Variants in STMN3 observed in about 807,000 individuals in gnomAD.
STMN3 encodes stathmin 3.
In STMN3, 24 loss-of-function variants were observed where a neutral mutation model predicts 23.2. The ratio of observed to expected loss-of-function variants is 1.03; its 90% CI spans 0.75 to 1.45. The LOEUF (loss-of-function observed/expected upper bound fraction) is 1.45, where lower values mean the gene tolerates loss of function less well. Ranked by LOEUF, STMN3 falls within the 40% of genes most tolerant of loss-of-function variation. The probability of loss-of-function intolerance (pLI) is 0.00; values close to 1 mark genes in which losing one functional copy is unlikely to be tolerated. For synonymous variants in STMN3, 117 were observed against 103.4 expected (o/e 1.13, Z -0.80); for missense variants, 235 against 237.6 (o/e 0.99, Z 0.07).
rs1189102889 is a variant in STMN3 at position 63,640,036 on chromosome 20, G to A, written c.*1302C>T. ...GTGGTCCCTGGGTGTGACTCTGGAA[G>A]ACACTGGCAGTGCCCGGCCAAGGCC... On this transcript the variant is annotated 3_prime_UTR_variant, in exon 5 of 5. Transcript: ENST00000370053. 6.5e-6 allele frequency: 1 copy of A among 152,964 alleles called. No individual in the cohort carries two copies. The highest frequency in any genetic ancestry group is 2.1e-4 in the South Asian group (1 of 4,834). The allele number at this position is 152,964 out of a possible 1,614,324, so 9.5% of individuals were successfully genotyped here.
intron 4 of STMN3, 128 bp from the exon 5 acceptor site, chr20:63,641,525 C>A (rs1167395595): frequency 8.6e-6 from 6 of 701,512 alleles, no homozygotes; most frequent in Admixed American, 2.6e-5. Flanking sequence ...TTCGGCAGGA[C>A]CCTGACTGAG....
chr20:63,642,147 C>G lies in STMN3; in HGVS notation c.444G>C (p.Glu148Asp). Residue 148 changes from glutamate (E) to aspartate (D), a missense_variant, in exon 4 of 5, where the codon GAG (glutamate) becomes GAC (aspartate). Glu to Asp is a conservative substitution (Grantham distance 45). Transcript: ENST00000370053. Reference protein sequence around the residue: ...YKMELSKEIREAHLAALRERL... With the variant: ...YKMELSKEIRDAHLAALRERL... ...GCTCGCGCAGTGCGGCCAGGTGTGC[C>G]TCGCGGATCTCCTTGCTGAGCTCCA... is the stretch of plus-strand genomic sequence containing the variant. 6.5e-7 allele frequency: 1 copy of G among 1,549,800 alleles called. No individual in the cohort carries two copies. Among genetic ancestry groups the G allele is most frequent in the East Asian group, 2.7e-5 (1 of 36,980 alleles).
In STMN3 at chr20:63,647,936, A is replaced by ATGTGTGTG. The variant is rs1555897526; in HGVS notation, c.20-3635_20-3628dup. On this transcript the variant is annotated intron_variant, in intron 1 of 4. Coordinates refer to ENST00000370053, the MANE Select transcript of STMN3 (RefSeq NM_015894.4). ...TATATATTAATATATATACGTATATATGTGTGTGTGTGTATATATATATGT... is the reference window on the plus strand; with the variant it reads ...TATATATTAATATATATACGTATATATGTGTGTGTGTGTGTGTGTGTATATATATATGT... Among the ~76,000 whole-genome samples the ATGTGTGTG allele has an allele frequency of 1.7e-3, 134 of 80,834 alleles. 3 individuals carry two copies. Among genetic ancestry groups the ATGTGTGTG allele is most frequent in the Middle Eastern group, 9.6e-3 (1 of 104 alleles). 53.0% of individuals were successfully genotyped at this position (80,834 alleles called of 152,430 possible). A position where few individuals can be genotyped will look rare whatever the true frequency, so the allele number is the denominator to read the frequency against.
At chr20:63,643,708 C>T in intron 3 of STMN3, 48 bp downstream of exon 3, 2 of 1,483,278 alleles carry the variant, frequency 1.3e-6, no homozygotes, top group Admixed American at 2.5e-5. Context: ...TCCCCGTGGG[C>T]CGCCTCCGTT....
At chr20:63,646,158 G>A (rs2089807169) in intron 1 of STMN3, among the ~76,000 whole-genome samples, 1 of 152,062 alleles carries the variant, frequency 6.6e-6, no homozygotes. Context: ...GCAGCACAGA[G>A]CCCAAGAGGG....
chr20:63,651,211 T>G (rs2146123473), intron 1 of STMN3, among the ~76,000 whole-genome samples: 1 of 152,258 alleles, frequency 6.6e-6, no homozygotes, highest in South Asian at 2.1e-4. Context: ...TCCACCGGCC[T>G]CAGCCTCTCA....
At chr20:63,643,223 T>G (rs894114416) in intron 3 of STMN3, among the ~76,000 whole-genome samples, 3 of 152,230 alleles carry the variant, frequency 2.0e-5, no homozygotes, top group Non-Finnish European at 4.4e-5. Context: ...CAGAGGCTCC[T>G]GCTCCTTCCA....
At position 63,644,166 on chromosome 20, in the gene STMN3, AGG is replaced by A. The variant is rs753296813; in HGVS notation, c.115+46_115+47del. 1.8e-4 allele frequency: 275 copies of A among 1,536,390 alleles called. 1 individual carries two copies. The highest frequency in any genetic ancestry group is 3.9e-4 in the Admixed American group (23 of 59,170). ...CTGCCGGAGGCCGGGGGAAAAGGTG[AGG>A]TGGGCAGGCACCGCAGGGAAGGGCA... On this transcript the variant is annotated intron_variant, in intron 2 of 4. Transcript: ENST00000370053.
At chr20:63,651,129 T>C (rs905818636) in intron 1 of STMN3, among the ~76,000 whole-genome samples, 2 of 151,968 alleles carry the variant, frequency 1.3e-5, no homozygotes, top group African/African-American at 4.8e-5. Flanking sequence ...CTGGCTAATT[T>C]TGTACTTTTA....
intron 1 of STMN3, 128 bp downstream of exon 1, chr20:63,653,199 A>C: frequency 8.0e-7 from 1 of 1,243,814 alleles, no homozygotes; most frequent in Non-Finnish European, 1.1e-6. Flanking sequence ...GGTCGGGCCC[A>C]GGCTTGCAAC....
intron 1 of STMN3, among the ~76,000 whole-genome samples, 181 bp downstream of exon 1, chr20:63,653,146 G>A (rs934288495): frequency 2.0e-5 from 3 of 151,256 alleles, no homozygotes; most frequent in Non-Finnish European, 3.0e-5. Flanking sequence ...GCAGCCCAGC[G>A]CCCCACCAGC....
intron 1 of STMN3, among the ~76,000 whole-genome samples, chr20:63,647,991 T>TATATACACACACAC (rs1288050001): frequency 1.3e-5 from 1 of 75,892 alleles, no homozygotes; most frequent in African/African-American, 4.9e-5. Context: ...CATATATATA[T>TATATACACACACAC]ACAGAGAGAG....
intron 1 of STMN3, among the ~76,000 whole-genome samples, chr20:63,649,637 T>G (rs1157910540): frequency 6.6e-6 from 1 of 151,876 alleles, no homozygotes; most frequent in African/African-American, 2.4e-5. Context: ...TTCACGCCAT[T>G]CTCCTGCCTC....
intron 1 of STMN3, among the ~76,000 whole-genome samples, chr20:63,651,602 G>C (rs2089859125): frequency 6.6e-6 from 1 of 152,222 alleles, no homozygotes. Flanking sequence ...GGCTACCACA[G>C]TCAGGCTGCT....
intron 1 of STMN3, 64 bp downstream of exon 1, chr20:63,653,263 G>A (rs1453391824): frequency 3.3e-6 from 5 of 1,525,316 alleles, no homozygotes; most frequent in Middle Eastern, 1.7e-4. Flanking sequence ...TGCCCCAGGC[G>A]AGGCCAGACG....
intron 1 of STMN3, among the ~76,000 whole-genome samples, chr20:63,647,929 C>T (rs151130375): frequency 0.32 from 15,260 of 48,138 alleles, 2,125 homozygotes; most frequent in Admixed American, 0.43. Context: ...AATATATATA[C>T]GTATATATGT....
chr20:63,643,635 C>T (rs1282549922), intron 3 of STMN3, 121 bp downstream of exon 3: 1 of 1,383,422 alleles, frequency 7.2e-7, no homozygotes, highest in Non-Finnish European at 9.3e-7. Flanking sequence ...CACAGCCCCT[C>T]CTGCTCCAGG....
intron 1 of STMN3, among the ~76,000 whole-genome samples, chr20:63,644,728 G>A (rs2089796195): frequency 6.6e-6 from 1 of 152,202 alleles, no homozygotes; most frequent in Non-Finnish European, 1.5e-5. Flanking sequence ...ATTAGGCCAT[G>A]AGGATAGAGC....
At chr20:63,647,825 T>C (rs2089825301) in intron 1 of STMN3, among the ~76,000 whole-genome samples, 2 of 128,524 alleles carry the variant, frequency 1.6e-5, no homozygotes, top group Admixed American at 8.3e-5. Context: ...ATATATAATA[T>C]ATATACGTAT....
Sources: gnomAD v4.1 joint callset for allele counts (sites outside exome capture counted in the v4.1 genomes callset) on GRCh38, gnomAD v4.1.1 for gene constraint, MANE v1.5 for transcripts, NCBI Gene and HGNC (gene_info 2026-07-23, HGNC 2026-07-21) for gene names.